Variants in CGB5 observed in about 807,000 individuals in gnomAD.
The protein encoded by CGB5 is chorionic gonadotropin subunit beta 5.
A neutral mutation model predicts 7.6 loss-of-function variants in CGB5; 2 were observed. The ratio of observed to expected loss-of-function variants is 0.26; its 90% CI spans 0.11 to 0.83. The LOEUF is 0.83. Among genes scored for constraint, CGB5 ranks in the 40% least tolerant of loss-of-function variants. The pLI, the probability that CGB5 is intolerant of heterozygous loss-of-function variation, is 0.65. For missense variants in CGB5, 48 were observed against 228.2 expected (o/e 0.21, Z 5.09); for synonymous variants, 25 against 99.8 (o/e 0.25, Z 4.47).
In CGB5 at chr19:49,044,167, C is replaced by T. The variant is rs766122270; in HGVS notation, c.-43C>T. The T allele has an allele frequency of 8.0e-5, 129 of 1,613,720 alleles. No homozygotes were observed. Among genetic ancestry groups the T allele is most frequent in the Non-Finnish European group, 1.0e-4 (120 of 1,179,890 alleles). ...GGTGGCCTTGCCGCCCCCACAACCCCGAGGTATAAAGCCAGGTACACGAGG... is the reference window on the plus strand; with the variant it reads ...GGTGGCCTTGCCGCCCCCACAACCCTGAGGTATAAAGCCAGGTACACGAGG... On this transcript the variant is annotated 5_prime_UTR_variant, in exon 1 of 3. Transcript: ENST00000301408.
In CGB5 at chr19:49,044,138, T is replaced by A. The variant is rs550204532; in HGVS notation, c.-72T>A. ...GAGCTCACCCCAGCATCCTACAACC[T>A]CCTGGTGGCCTTGCCGCCCCCACAA... On this transcript the variant is annotated 5_prime_UTR_variant, in exon 1 of 3. Transcript: ENST00000301408. 1 of 1,613,528 alleles carries A rather than the reference T, an allele frequency of 6.2e-7. No individual in the cohort carries two copies. The highest frequency in any genetic ancestry group is 1.3e-5 in the African/African-American group (1 of 74,718).
At chr19:49,044,301 G>A (rs2039915570) in intron 1 of CGB5, 77 bp downstream of exon 1, 1 of 1,611,234 alleles carries the variant, frequency 6.2e-7, no homozygotes, top group African/African-American at 1.4e-5. Flanking sequence ...AGACCAGTGT[G>A]AGCTGTGGAA....
intron 1 of CGB5, 125 bp from the exon 2 acceptor site, chr19:49,044,452 G>A: frequency 1.4e-6 from 2 of 1,443,374 alleles, no homozygotes; most frequent in Non-Finnish European, 1.8e-6. Context: ...CCGGGTGGTG[G>A]GTCCTGAATA....
rs1007172347 is a variant in CGB5, at chr19:49,044,279, A to C, written c.15+55A>C. 1.9e-6 allele frequency: 3 copies of C among 1,612,318 alleles called. No homozygotes were observed. In the East Asian group the frequency reaches 6.7e-5, roughly 36 times the overall value. ...CACCTCCTTCCAGGCAATCACTGGCATGAGAAGGGGCAGACCAGTGTGAGC... is the reference window on the plus strand; with the variant it reads ...CACCTCCTTCCAGGCAATCACTGGCCTGAGAAGGGGCAGACCAGTGTGAGC... On this transcript the variant is annotated intron_variant, in intron 1 of 2. Coordinates refer to ENST00000301408, the MANE Select transcript of CGB5 (RefSeq NM_033043.2).
intron 2 of CGB5, 115 bp downstream of exon 2, chr19:49,044,859 G>T (rs984652859): frequency 1.4e-6 from 2 of 1,469,116 alleles, no homozygotes; most frequent in Admixed American, 3.8e-5. Context: ...TGGGGTGTGG[G>T]AGGGCAGGAA....
chr19:49,044,219 T>A lies in CGB5; in HGVS notation c.10T>A (p.Phe4Ile). Residue 4 changes from phenylalanine (F) to isoleucine (I), a missense_variant, in exon 1 of 3, where the codon TTC becomes ATC. Coordinates refer to ENST00000301408, the MANE Select transcript of CGB5 (RefSeq NM_033043.2). ...AGGGGACGCACCAAGGATGGAGATGTTCCAGGTAAGACTGCAGGGCCCCTG... is the reference window on the plus strand; with the variant it reads ...AGGGGACGCACCAAGGATGGAGATGATCCAGGTAAGACTGCAGGGCCCCTG... MEM[F>I]QGLLLLLLLS... 6.2e-7 allele frequency: 1 copy of A among 1,613,504 alleles called. No individual in the cohort carries two copies.
At position 49,043,909 on chromosome 19, in the gene CGB5, G is replaced by A. The variant is rs1356712144; in HGVS notation, c.-301G>A. 6 of 1,238,208 alleles carry A rather than the reference G, an allele frequency of 4.8e-6. No individual in the cohort carries two copies. The South Asian group carries it at 7.1e-5, about 15-fold the overall frequency. The allele number at this position is 1,238,208 out of a possible 1,614,324, so 76.7% of individuals were successfully genotyped here. A position where few individuals can be genotyped will look rare whatever the true frequency, so the allele number is the denominator to read the frequency against. ...CAGGACCCCACCATAGGCAGAGGCAGGCCTTCCTACACCCTACTCCCTGTG... is the reference window on the plus strand; with the variant it reads ...CAGGACCCCACCATAGGCAGAGGCAAGCCTTCCTACACCCTACTCCCTGTG... On this transcript the variant is annotated 5_prime_UTR_variant, in exon 1 of 3. Transcript: ENST00000301408.
At position 49,044,115 on chromosome 19, in the gene CGB5, G is replaced by T; in HGVS notation, c.-95G>T. 6.2e-7 allele frequency: 1 copy of T among 1,612,780 alleles called. No homozygotes were observed. Among genetic ancestry groups the T allele is most frequent in the Non-Finnish European group, 8.5e-7 (1 of 1,179,058 alleles). ...TTGCCCCCCGAAGGGTTAGTGTCGAGCTCACCCCAGCATCCTACAACCTCC... is the reference window on the plus strand; with the variant it reads ...TTGCCCCCCGAAGGGTTAGTGTCGATCTCACCCCAGCATCCTACAACCTCC... On this transcript the variant is annotated 5_prime_UTR_variant, in exon 1 of 3. Coordinates refer to ENST00000301408, the MANE Select transcript of CGB5 (RefSeq NM_033043.2).
rs2039913173 is a variant in CGB5, at chr19:49,044,139, C to G, written c.-71C>G. 1 of 1,613,780 alleles carries G rather than the reference C, an allele frequency of 6.2e-7. No individual in the cohort carries two copies. Among genetic ancestry groups the G allele is most frequent in the Non-Finnish European group, 8.5e-7 (1 of 1,179,838 alleles). Reference sequence around the variant, plus strand: ...AGCTCACCCCAGCATCCTACAACCTCCTGGTGGCCTTGCCGCCCCCACAAC... The same window carrying G: ...AGCTCACCCCAGCATCCTACAACCTGCTGGTGGCCTTGCCGCCCCCACAAC... On this transcript the variant is annotated 5_prime_UTR_variant, in exon 1 of 3. Transcript: ENST00000301408.
At chr19:49,044,289 G>T (rs1484016067) in intron 1 of CGB5, 65 bp downstream of exon 1, 139 of 1,610,970 alleles carry the variant, frequency 8.6e-5, no homozygotes, top group Non-Finnish European at 1.1e-4. Context: ...ATGAGAAGGG[G>T]CAGACCAGTG....
chr19:49,044,215 G>C lies in CGB5; in HGVS notation c.6G>C (p.Glu2Asp), dbSNP rs576942503. 2 of 1,613,354 alleles carry C rather than the reference G, an allele frequency of 1.2e-6. No individual in the cohort carries two copies. The change falls in exon 1 of 3, where the codon GAG becomes GAC. Residue 2 changes from glutamate (E) to aspartate (D), a missense_variant. Around this residue, in one of 3 missense-constraint regions of CGB5, gnomAD observed 9 missense variants for 16.6 expected, o/e 0.54. Coordinates refer to ENST00000301408, the MANE Select transcript of CGB5 (RefSeq NM_033043.2). ...AGGCAGGGGACGCACCAAGGATGGA[G>C]ATGTTCCAGGTAAGACTGCAGGGCC... is the stretch of plus-strand genomic sequence containing the variant. M[E>D]MFQGLLLLLL...
chr19:49,044,090 T>G lies in CGB5; in HGVS notation c.-120T>G. On this transcript the variant is annotated 5_prime_UTR_variant, in exon 1 of 3. Transcript: ENST00000301408. ...GCGCCCCCCTGGCCTTGTCTACCTCTTGCCCCCCGAAGGGTTAGTGTCGAG... is the reference window on the plus strand; with the variant it reads ...GCGCCCCCCTGGCCTTGTCTACCTCGTGCCCCCCGAAGGGTTAGTGTCGAG... 6.3e-7 allele frequency: 1 copy of G among 1,589,626 alleles called. No homozygotes were observed.
In CGB5 at chr19:49,044,369, A is replaced by G. The variant is rs370332715; in HGVS notation, c.15+145A>G. 7.8e-4 allele frequency: 1,250 copies of G among 1,595,324 alleles called. 12 individuals carry two copies. Among genetic ancestry groups the G allele is most frequent in the East Asian group, 7.7e-3 (344 of 44,714 alleles). On this transcript the variant is annotated intron_variant, in intron 1 of 2. Transcript: ENST00000301408. ...GTAAGCTTCAGGTGGGGCAGTTCCT[A>G]AGGGTGGGGATCTGAAATTTTGGGG...
In CGB5 at chr19:49,044,102, G is replaced by T. The variant is rs2039912626; in HGVS notation, c.-108G>T. The stretch of plus-strand genomic sequence containing the variant: ...CCTTGTCTACCTCTTGCCCCCCGAA[G>T]GGTTAGTGTCGAGCTCACCCCAGCA... On this transcript the variant is annotated 5_prime_UTR_variant, in exon 1 of 3. The change creates a new upstream start codon in the 5' untranslated region. Transcript: ENST00000301408. 1 of 1,608,360 alleles carries T rather than the reference G, an allele frequency of 6.2e-7. No homozygotes were observed. Among genetic ancestry groups the T allele is most frequent in the Admixed American group, 1.7e-5 (1 of 59,930 alleles).
rs2039913471 is a variant in CGB5, at chr19:49,044,157, C to T, written c.-53C>T. On this transcript the variant is annotated 5_prime_UTR_variant, in exon 1 of 3. Coordinates refer to ENST00000301408, the MANE Select transcript of CGB5 (RefSeq NM_033043.2). ...ACAACCTCCTGGTGGCCTTGCCGCCCCCACAACCCCGAGGTATAAAGCCAG... is the reference window on the plus strand; with the variant it reads ...ACAACCTCCTGGTGGCCTTGCCGCCTCCACAACCCCGAGGTATAAAGCCAG... 1.9e-5 allele frequency: 31 copies of T among 1,613,828 alleles called. No individual in the cohort carries two copies. The highest frequency in any genetic ancestry group is 2.6e-5 in the Non-Finnish European group (31 of 1,179,856).
At position 49,044,970 on chromosome 19, in the gene CGB5, C is replaced by G. The variant is rs747387144; in HGVS notation, c.184-10C>G. ...GCACATGCTCATTCCCCCACTCACA[C>G]GGCTTCCAGACCCGCGTGCTGCAGG... On this transcript the variant is annotated splice_polypyrimidine_tract_variant and intron_variant, in intron 2 of 2. Transcript: ENST00000301408. The G allele has an allele frequency of 6.2e-5, 98 of 1,576,990 alleles. 1 individual carries two copies. The highest frequency in any genetic ancestry group is 8.2e-5 in the Non-Finnish European group (96 of 1,170,304).
rs772796819 is a variant in CGB5, at chr19:49,044,986, G to C, written c.190G>C (p.Val64Leu). 3 of 1,563,088 alleles carry C rather than the reference G, an allele frequency of 1.9e-6. No homozygotes were observed. The African/African-American group carries it at 4.3e-5, about 22-fold the overall frequency. The stretch of plus-strand genomic sequence containing the variant: ...CCACTCACACGGCTTCCAGACCCGC[G>C]TGCTGCAGGGGGTCCTGCCGGCCCT... The part of the protein sequence containing the change: ...CAGYCPTMTR[V>L]LQGVLPALPQ... Residue 64 changes from valine to leucine, a missense_variant, in exon 3 of 3, where the codon GTG becomes CTG. By Grantham distance (32) the Val-to-Leu change is conservative. Around this residue, in one of 3 missense-constraint regions of CGB5, gnomAD observed 34 missense variants for 145.1 expected, o/e 0.23. Coordinates refer to ENST00000301408, the MANE Select transcript of CGB5 (RefSeq NM_033043.2).
rs199614255 is a variant in CGB5, at chr19:49,045,206, A to C, written c.410A>C (p.Asp137Ala). 5,117 of 1,574,384 alleles carry C rather than the reference A, an allele frequency of 3.3e-3. 70 individuals carry two copies. The African/African-American group carries it at 0.044, about 13-fold the overall frequency. ...ACCTGTGATGACCCCCGCTTCCAGG[A>C]CTCCTCTTCCTCAAAGGCCCCTCCC... Reference protein sequence around the residue: ...PLTCDDPRFQDSSSSKAPPPS... With the variant: ...PLTCDDPRFQASSSSKAPPPS... The change falls in exon 3 of 3, where the codon GAC (aspartate) becomes GCC (alanine). Residue 137 changes from aspartate (D) to alanine (A), a missense_variant. Physicochemically the swap from Asp to Ala is moderately radical, Grantham distance 126 (BLOSUM62 -2). Transcript: ENST00000301408.
chr19:49,044,228 A>C lies in CGB5; in HGVS notation c.15+4A>C. On this transcript the variant is annotated splice_donor_region_variant and intron_variant, in intron 1 of 2. Transcript: ENST00000301408. ...ACCAAGGATGGAGATGTTCCAGGTA[A>C]GACTGCAGGGCCCCTGGGCACCTTC... 1 of 1,613,422 alleles carries C rather than the reference A, an allele frequency of 6.2e-7. No individual in the cohort carries two copies. The highest frequency in any genetic ancestry group is 8.5e-7 in the Non-Finnish European group (1 of 1,179,806).
Sources: gnomAD v4.1 joint callset for allele counts on GRCh38, gnomAD v4.1.1 for gene constraint, gnomAD v4.1.1 regional missense constraint, MANE v1.5 for transcripts, NCBI Gene and HGNC (gene_info 2026-07-23, HGNC 2026-07-21) for gene names.